Variants in RERE observed in about 807,000 individuals in gnomAD.
RERE encodes the protein arginine-glutamic acid dipeptide repeats protein.
Under a neutral mutation model 146.1 loss-of-function variants are expected in RERE, and 40 were observed. The ratio of observed to expected loss-of-function variants is 0.27; its 90% CI spans 0.21 to 0.36. The LOEUF is 0.36. RERE is among the 10% of genes least tolerant of loss of function. The pLI, the probability that RERE is intolerant of heterozygous loss-of-function variation, is 1.00. For synonymous variants in RERE, 1,003 were observed against 866.0 expected (o/e 1.16, Z -2.78); for missense variants, 1,933 against 2,138.7 (o/e 0.90, Z 1.90).
Position 8,364,882 on chromosome 1 carries a change from A to C in RERE, c.1448-44T>G. 1.8e-6 allele frequency: 1 copy of C among 554,586 alleles called. No homozygotes were observed. The highest frequency in any genetic ancestry group is 1.8e-5 in the South Asian group (1 of 55,816). 34.4% of individuals were successfully genotyped at this position (554,586 alleles called of 1,614,324 possible). ...TAGTGGGGGTGGGGGAGACACCATC[A>C]TGCTCAGCCAAGGCTGGGCCGGTGG... is the stretch of plus-strand genomic sequence containing the variant. On this transcript the variant is annotated intron_variant, in intron 13 of 22. Transcript: ENST00000400908. This position sits in a 1 kb window ranked among gnomAD's most constrained non-coding sequence, Gnocchi z 5.1.
At chr1:8,447,590 A>G (rs1644338232) in intron 11 of RERE, among the ~76,000 whole-genome samples, 1 of 152,202 alleles carries the variant, frequency 6.6e-6, no homozygotes, top group South Asian at 2.1e-4. Context: ...CTGGAGGTCC[A>G]CTTCAGAACC....
intron 1 of RERE, among the ~76,000 whole-genome samples, chr1:8,698,397 T>C (rs1475732698): frequency 6.6e-6 from 1 of 152,250 alleles, no homozygotes; most frequent in Non-Finnish European, 1.5e-5. Flanking sequence ...TGGTAGATAA[T>C]GTGGTGAGCT....
intron 11 of RERE, among the ~76,000 whole-genome samples, chr1:8,451,267 C>T (rs1644387481): frequency 6.6e-6 from 1 of 152,108 alleles, no homozygotes; most frequent in Admixed American, 6.6e-5. Flanking sequence ...CCCGTCTCTA[C>T]TAAAAATACA....
chr1:8,688,058 T>C (rs1033084963), intron 1 of RERE, among the ~76,000 whole-genome samples: 2 of 152,148 alleles, frequency 1.3e-5, no homozygotes, highest in African/African-American at 4.8e-5. Context: ...GGGTCTAACA[T>C]ACGATTTTTT....
At chr1:8,775,950 G>T (rs981934894) in intron 1 of RERE, among the ~76,000 whole-genome samples, 1 of 152,112 alleles carries the variant, frequency 6.6e-6, no homozygotes, top group Non-Finnish European at 1.5e-5. Flanking sequence ...AAACCCAGGC[G>T]GTCTTGGATT....
At chr1:8,762,310 T>A (rs1435302326) in intron 1 of RERE, among the ~76,000 whole-genome samples, 2 of 152,206 alleles carry the variant, frequency 1.3e-5, no homozygotes, top group Admixed American at 6.5e-5. Flanking sequence ...CTAATTGAAC[T>A]GTGAGTCTCC....
intron 19 of RERE, among the ~76,000 whole-genome samples, chr1:8,359,465 A>C (rs957033763): frequency 6.6e-6 from 1 of 152,136 alleles, no homozygotes. Flanking sequence ...AATTACTTAG[A>C]AGTTATGAAC....
chr1:8,407,272 C>T (rs1025520887), intron 12 of RERE, among the ~76,000 whole-genome samples: 4 of 152,072 alleles, frequency 2.6e-5, no homozygotes, highest in African/African-American at 9.7e-5. Context: ...GGAAGCAGGA[C>T]CATATTGCTG....
At chr1:8,550,713 A>AT (rs35556946) in intron 6 of RERE, among the ~76,000 whole-genome samples, 4 of 152,058 alleles carry the variant, frequency 2.6e-5, no homozygotes, top group African/African-American at 9.7e-5. Flanking sequence ...CACTCGGCTA[A>AT]TTTTTTGTAT....
At chr1:8,647,412 T>C (rs1314309002) in intron 2 of RERE, among the ~76,000 whole-genome samples, 3 of 152,002 alleles carry the variant, frequency 2.0e-5, no homozygotes, top group Non-Finnish European at 4.4e-5. Flanking sequence ...GCAACTGAAT[T>C]TGTCACATGT....
At chr1:8,406,246 A>T (rs1038481161) in intron 12 of RERE, among the ~76,000 whole-genome samples, 1 of 151,452 alleles carries the variant, frequency 6.6e-6, no homozygotes, top group African/African-American at 2.4e-5. Context: ...TTTTATTTTT[A>T]TTTTTTTGTA....
chr1:8,722,244 C>T (rs1292390479), intron 1 of RERE, among the ~76,000 whole-genome samples: 2 of 152,228 alleles, frequency 1.3e-5, no homozygotes, highest in African/African-American at 4.8e-5. Flanking sequence ...TCAACCTTTG[C>T]TAACCTAGCA....
intron 11 of RERE, among the ~76,000 whole-genome samples, chr1:8,435,275 A>G (rs1449609954): frequency 6.6e-6 from 1 of 152,218 alleles, no homozygotes; most frequent in East Asian, 1.9e-4. Flanking sequence ...GTTACTGAAT[A>G]TATGAGGAAA....
At chr1:8,727,585 C>A (rs905025489) in intron 1 of RERE, among the ~76,000 whole-genome samples, 4 of 152,128 alleles carry the variant, frequency 2.6e-5, no homozygotes, top group Non-Finnish European at 5.9e-5. Context: ...CCTCTGCCTC[C>A]CGGGTTCAAG....
In RERE at chr1:8,423,651, C is replaced by T. The variant is rs1643950995; in HGVS notation, c.1204-844G>A. On this transcript the variant is annotated intron_variant, in intron 11 of 22. Coordinates refer to ENST00000400908, the MANE Select transcript of RERE (RefSeq NM_001042681.2). The surrounding 1 kb of genome is among the most constrained non-coding windows in gnomAD (Gnocchi z 5.4). ...GGGGCGGCAAGAGGCCGTCGCCTGT[C>T]ACTGGGCTCCGGCTCCACAAAGCGC... The T allele has an allele frequency of 1.0e-6, 1 of 984,608 alleles. No homozygotes were observed. The highest frequency in any genetic ancestry group is 4.7e-5 in the South Asian group (1 of 21,298). The allele number at this position is 984,608 out of a possible 1,614,324, so 61.0% of individuals were successfully genotyped here.
intron 7 of RERE, among the ~76,000 whole-genome samples, chr1:8,522,487 A>G (rs951029218): frequency 2.0e-5 from 3 of 152,258 alleles, no homozygotes; most frequent in Admixed American, 6.5e-5. Context: ...CTAGAGAATC[A>G]CAGACATCTG....
intron 11 of RERE, among the ~76,000 whole-genome samples, chr1:8,443,459 G>GAAAAA (rs144499944): frequency 2.6e-3 from 290 of 112,592 alleles, no homozygotes; most frequent in East Asian, 4.8e-3. Flanking sequence ...CTCAAAAAAA[G>GAAAAA]AAAAAAAAAA....
At chr1:8,442,735 T>C (rs1477784702) in intron 11 of RERE, among the ~76,000 whole-genome samples, 7 of 152,208 alleles carry the variant, frequency 4.6e-5, no homozygotes, top group Non-Finnish European at 8.8e-5. Flanking sequence ...TTAGAAGAGT[T>C]TGCAGGGCTC....
chr1:8,605,745 C>CGAAAAAAAAAA (rs1461196508), intron 4 of RERE, among the ~76,000 whole-genome samples: 1 of 64,518 alleles, frequency 1.5e-5, no homozygotes, highest in African/African-American at 6.1e-5. Flanking sequence ...ACCCCATCTC[C>CGAAAAAAAAAA]AAAAAAAAAA....
Sources: allele counts gnomAD v4.1 joint callset (sites outside exome capture counted in the v4.1 genomes callset), GRCh38; gene constraint gnomAD v4.1.1; non-coding constraint Gnocchi (gnomAD v3.1); transcripts MANE v1.5; gene names NCBI Gene and HGNC (gene_info 2026-07-23, HGNC 2026-07-21).